The following CHIC2 variants were observed in gnomAD, a reference collection of about 807,000 sequenced individuals.
CHIC2 encodes the protein cysteine rich hydrophobic domain 2, also known as cysteine-rich hydrophobic domain-containing protein 2.
Under a neutral mutation model 25.9 loss-of-function variants are expected in CHIC2, and 14 were observed. The observed-to-expected ratio is 0.54, with a 90% CI of 0.36 to 0.85. CHIC2 has a LOEUF of 0.85. Ranked by LOEUF, CHIC2 falls within the 40% of genes least tolerant of loss-of-function variation. The pLI is 0.01. For synonymous variants in CHIC2, 70 were observed against 72.0 expected (o/e 0.97, Z 0.14); for missense variants, 146 against 202.0 (o/e 0.72, Z 1.68).
At chr4:54,048,862 G>A (rs1382721254) in intron 3 of CHIC2, 93 bp downstream of exon 3, 1 of 1,033,782 alleles carries the variant, frequency 9.7e-7, no homozygotes, top group Non-Finnish European at 1.4e-6. Context: ...TCAGGATAGT[G>A]TGATTCATTC....
intron 3 of CHIC2, among the ~76,000 whole-genome samples, chr4:54,031,357 T>C (rs966920194): frequency 9.2e-5 from 14 of 152,046 alleles, no homozygotes; most frequent in African/African-American, 3.4e-4. Flanking sequence ...TTCTTCTTAT[T>C]AGTAAGCACC....
At chr4:54,063,582 T>C (rs1411146130) in intron 1 of CHIC2, among the ~76,000 whole-genome samples, 3 of 152,242 alleles carry the variant, frequency 2.0e-5, no homozygotes, top group Admixed American at 1.3e-4. Flanking sequence ...GTAGTTGTTG[T>C]TGTTGTTGTT....
At position 54,049,210 on chromosome 4, in the gene CHIC2, C is replaced by A; in HGVS notation, c.174+41G>T. 3.2e-6 allele frequency: 5 copies of A among 1,566,830 alleles called. 1 individual carries two copies. In the South Asian group the frequency reaches 4.7e-5, roughly 15 times the overall value. ...TCTAATTTTCTCAGAAAAAAACTTT[C>A]ATTTTGAGGCATACAAATAGTACAT... On this transcript the variant is annotated intron_variant, in intron 2 of 5. Transcript: ENST00000263921.
chr4:54,062,950 G>A (rs984428841), intron 1 of CHIC2, among the ~76,000 whole-genome samples: 3 of 152,172 alleles, frequency 2.0e-5, no homozygotes, highest in Non-Finnish European at 4.4e-5. Context: ...TTGTCATGGT[G>A]CTGTGATGGC....
chr4:54,071,563 C>CCAT, the CHIC2 span, among the ~76,000 whole-genome samples: 6 of 152,236 alleles, frequency 3.9e-5, no homozygotes, highest in Admixed American at 3.3e-4. Context: ...TTTCCTCATC[C>CCAT]CATAATCTTA....
At chr4:54,072,829 T>G in the CHIC2 span, among the ~76,000 whole-genome samples, 1 of 152,162 alleles carries the variant, frequency 6.6e-6, no homozygotes, top group Non-Finnish European at 1.5e-5. Flanking sequence ...TCCCAGCACT[T>G]TGGGAGGCCA....
intron 3 of CHIC2, among the ~76,000 whole-genome samples, chr4:54,020,707 C>T (rs766495226): frequency 2.0e-5 from 3 of 152,174 alleles, no homozygotes; most frequent in Non-Finnish European, 4.4e-5. Context: ...TTCAATCTCC[C>T]TGCCCTTCCA....
chr4:54,047,445 T>A (rs1244421745), intron 3 of CHIC2, among the ~76,000 whole-genome samples: 3 of 152,052 alleles, frequency 2.0e-5, no homozygotes, highest in Non-Finnish European at 4.4e-5. Flanking sequence ...GTGGCACATA[T>A]ACACCATGGA....
the CHIC2 span, among the ~76,000 whole-genome samples, chr4:54,078,509 G>GATTT: frequency 2.6e-5 from 4 of 152,060 alleles, no homozygotes; most frequent in East Asian, 5.8e-4. Flanking sequence ...GATCTCTCAT[G>GATTT]ATTTATTTAT....
At chr4:54,080,942 G>GTGTATATA in the CHIC2 span, among the ~76,000 whole-genome samples, 1 of 101,124 alleles carries the variant, frequency 9.9e-6, no homozygotes, top group Non-Finnish European at 2.0e-5. Context: ...ATGTGTGTGT[G>GTGTATATA]TATATATATA....
chr4:54,066,923 T>A (rs1287912311), upstream of CHIC2, among the ~76,000 whole-genome samples: 2 of 152,232 alleles, frequency 1.3e-5, no homozygotes, highest in Non-Finnish European at 2.9e-5. Context: ...GTGGCCAAGA[T>A]AAGGGGCTAG....
intron 1 of CHIC2, among the ~76,000 whole-genome samples, chr4:54,056,086 T>G (rs1412111196): frequency 6.6e-6 from 1 of 152,200 alleles, no homozygotes; most frequent in African/African-American, 2.4e-5. Context: ...ATCATAAACC[T>G]CACCATTATA....
chr4:54,041,106 G>A (rs1049316181), intron 3 of CHIC2, among the ~76,000 whole-genome samples: 2 of 151,556 alleles, frequency 1.3e-5, no homozygotes, highest in Non-Finnish European at 2.9e-5. Context: ...AGTAGAGATG[G>A]GGTTTCACCA....
chr4:54,039,906 T>C (rs1220574377), intron 3 of CHIC2, among the ~76,000 whole-genome samples: 2 of 152,154 alleles, frequency 1.3e-5, no homozygotes, highest in Non-Finnish European at 2.9e-5. Context: ...GAATCTCAAA[T>C]GCACTAAGCT....
At chr4:54,033,154 C>T (rs1716285367) in intron 3 of CHIC2, among the ~76,000 whole-genome samples, 1 of 152,182 alleles carries the variant, frequency 6.6e-6, no homozygotes, top group Admixed American at 6.5e-5. Flanking sequence ...GCCAATTAAA[C>T]CTCTTCATTA....
At chr4:54,084,950 G>A in the CHIC2 span, among the ~76,000 whole-genome samples, 1 of 81,586 alleles carries the variant, frequency 1.2e-5, no homozygotes, top group African/African-American at 5.3e-5. Context: ...ACACAGCCTT[G>A]CTCTGTCTCA....
rs750082861 is a variant in CHIC2 at position 54,064,206 on chromosome 4, A to G, written c.95T>C (p.Val32Ala). ...LLKYSPDPVV[V>A]RGSGHVTVFG... The stretch of plus-strand genomic sequence containing the variant: ...CACGGTGACGTGACCGGAGCCGCGG[A>G]CGACCACCGGGTCCGGCGAGTACTT... Residue 32 changes from valine (V) to alanine (A), a missense_variant, in exon 1 of 6, where the codon GTC (valine) becomes GCC (alanine). Val to Ala is a moderately conservative substitution (Grantham distance 64). Transcript: ENST00000263921. This position sits in a 1 kb window ranked among gnomAD's most constrained non-coding sequence, Gnocchi z 4.2. 1 of 1,605,112 alleles carries G rather than the reference A, an allele frequency of 6.2e-7. No homozygotes were observed. The highest frequency in any genetic ancestry group is 2.3e-5 in the East Asian group (1 of 44,396).
chr4:54,078,745 C>A, the CHIC2 span, among the ~76,000 whole-genome samples: 1 of 151,824 alleles, frequency 6.6e-6, no homozygotes, highest in Non-Finnish European at 1.5e-5. Context: ...AAACTCCTGA[C>A]CTCAAGTGAT....
chr4:54,053,210 G>C (rs1258484704), intron 1 of CHIC2, among the ~76,000 whole-genome samples: 1 of 152,162 alleles, frequency 6.6e-6, no homozygotes, highest in Non-Finnish European at 1.5e-5. Flanking sequence ...CTTGCAAGTT[G>C]ATAGAATTTT....
Sources: allele counts gnomAD v4.1 joint callset (sites outside exome capture counted in the v4.1 genomes callset), GRCh38; gene constraint gnomAD v4.1.1; non-coding constraint Gnocchi (gnomAD v3.1); transcripts MANE v1.5; gene names NCBI Gene and HGNC (gene_info 2026-07-23, HGNC 2026-07-21).